Variants in HCRTR2 observed in about 807,000 individuals in gnomAD.
HCRTR2 encodes the protein orexin receptor type 2.
A neutral mutation model predicts 49.0 loss-of-function variants in HCRTR2; 22 were observed. The observed-to-expected ratio is 0.45, with a 90% CI of 0.32 to 0.64. The LOEUF is 0.64. HCRTR2 is among the 30% of genes least tolerant of loss of function. HCRTR2 has a pLI of 0.04. For missense variants in HCRTR2, 491 were observed against 559.4 expected (o/e 0.88, Z 1.23); for synonymous variants, 236 against 205.3 (o/e 1.15, Z -1.28).
chr6:55,182,883 T>C (rs1218093297), intron 1 of HCRTR2, among the ~76,000 whole-genome samples: 1 of 152,226 alleles, frequency 6.6e-6, no homozygotes, highest in African/African-American at 2.4e-5. Context: ...GAGATGGTGA[T>C]GTCTCTGTCA....
intron 1 of HCRTR2, among the ~76,000 whole-genome samples, chr6:55,220,468 C>T (rs1330616374): frequency 1.3e-5 from 2 of 152,126 alleles, no homozygotes; most frequent in African/African-American, 4.8e-5. Context: ...ATGATAATCT[C>T]TATAAATGCT....
At chr6:55,125,364 A>G (rs1245384294) in intron 1 of HCRTR2, among the ~76,000 whole-genome samples, 2 of 152,126 alleles carry the variant, frequency 1.3e-5, no homozygotes, top group African/African-American at 4.8e-5. Context: ...TTTCTCCTTC[A>G]CTATTGAAGC....
At chr6:55,242,344 G>A (rs546831062) in intron 1 of HCRTR2, among the ~76,000 whole-genome samples, 1 of 151,540 alleles carries the variant, frequency 6.6e-6, no homozygotes, top group South Asian at 2.1e-4. Context: ...CTTCACTCAT[G>A]GAACAATAAT....
chr6:55,219,142 G>A (rs1198782169), intron 1 of HCRTR2, among the ~76,000 whole-genome samples: 5 of 152,114 alleles, frequency 3.3e-5, no homozygotes, highest in Non-Finnish European at 7.4e-5. Flanking sequence ...AAAATTGATA[G>A]AACATCCAGA....
chr6:55,224,626 TAA>T (rs112507038), intron 1 of HCRTR2, among the ~76,000 whole-genome samples: 14 of 142,318 alleles, frequency 9.8e-5, no homozygotes, highest in East Asian at 2.0e-4. Flanking sequence ...CCGTCTCAGT[TAA>T]AAAAAAAAAA....
intron 4 of HCRTR2, among the ~76,000 whole-genome samples, chr6:55,269,540 A>G (rs1296478397): frequency 4.6e-5 from 7 of 152,220 alleles, no homozygotes; most frequent in Admixed American, 3.3e-4. Flanking sequence ...TAATATATAT[A>G]CAAAAATCAA....
chr6:55,197,060 T>C (rs1765428993), intron 1 of HCRTR2, among the ~76,000 whole-genome samples: 1 of 152,142 alleles, frequency 6.6e-6, no homozygotes, highest in South Asian at 2.1e-4. Flanking sequence ...CTAATTCTGA[T>C]TTTACTCCCA....
At chr6:55,168,584 G>T (rs1464775132) in intron 1 of HCRTR2, among the ~76,000 whole-genome samples, 1 of 151,846 alleles carries the variant, frequency 6.6e-6, no homozygotes, top group Non-Finnish European at 1.5e-5. Context: ...TGCTTTTTTT[G>T]AGACAGTGTC....
At chr6:55,238,751 G>A (rs189470086) in intron 1 of HCRTR2, among the ~76,000 whole-genome samples, 2 of 151,712 alleles carry the variant, frequency 1.3e-5, no homozygotes, top group Non-Finnish European at 2.9e-5. Flanking sequence ...GAGACATAAA[G>A]TTGTGAGAGT....
intron 1 of HCRTR2, among the ~76,000 whole-genome samples, chr6:55,233,873 C>T (rs911809661): frequency 3.5e-4 from 54 of 152,136 alleles, no homozygotes; most frequent in Admixed American, 1.3e-4. Context: ...ATTTGGAAAT[C>T]CATGTATGTT....
intron 1 of HCRTR2, among the ~76,000 whole-genome samples, chr6:55,145,087 G>C (rs1454623525): frequency 6.6e-6 from 1 of 151,946 alleles, no homozygotes; most frequent in Non-Finnish European, 1.5e-5. Flanking sequence ...TAGTTACAAA[G>C]TACGTAGATT....
At chr6:55,241,866 T>A (rs1167525501) in intron 1 of HCRTR2, among the ~76,000 whole-genome samples, 1 of 128,710 alleles carries the variant, frequency 7.8e-6, no homozygotes, top group South Asian at 2.4e-4. Context: ...AACTAATTTT[T>A]TTTTTTTTTT....
At chr6:55,140,925 G>T (rs1220990420) in intron 1 of HCRTR2, among the ~76,000 whole-genome samples, 1 of 152,178 alleles carries the variant, frequency 6.6e-6, no homozygotes, top group East Asian at 1.9e-4. Flanking sequence ...TTCGGAAGCT[G>T]GTTGTGCCTG....
intron 1 of HCRTR2, among the ~76,000 whole-genome samples, chr6:55,242,691 C>T (rs1339020149): frequency 6.6e-6 from 1 of 152,132 alleles, no homozygotes; most frequent in African/African-American, 2.4e-5. Flanking sequence ...CTTACATATG[C>T]AGTTTACATG....
intron 1 of HCRTR2, among the ~76,000 whole-genome samples, chr6:55,116,700 C>T (rs1215510257): frequency 2.6e-5 from 2 of 75,968 alleles, no homozygotes; most frequent in East Asian, 7.6e-4. Context: ...CTGAACAGTA[C>T]TGTAAAGAGA....
chr6:55,279,211 T>TA (rs1767140145), intron 5 of HCRTR2, among the ~76,000 whole-genome samples: 1 of 152,084 alleles, frequency 6.6e-6, no homozygotes, highest in Non-Finnish European at 1.5e-5. Context: ...TTCAAATGCT[T>TA]ATATTTATTT....
Position 55,282,237 on chromosome 6 carries a change from A to G in HCRTR2, c.1118A>G (p.Glu373Gly). Residue 373 changes from glutamate (E) to glycine (G), a missense_variant, in exon 7 of 7, where the codon GAG becomes GGG. Transcript: ENST00000370862. ...CTCTGTTTGCCAGGAAAATTTCGAG[A>G]GGAATTTAAAGCTGCGTTTTCTTGC... ...IYNFLSGKFREEFKAAFSCCC... is the reference protein window; with the variant it reads ...IYNFLSGKFRGEFKAAFSCCC... The G allele has an allele frequency of 6.2e-7, 1 of 1,613,222 alleles. No homozygotes were observed. The highest frequency in any genetic ancestry group is 8.5e-7 in the Non-Finnish European group (1 of 1,179,454).
At chr6:55,215,394 A>G (rs1158684403) in intron 1 of HCRTR2, among the ~76,000 whole-genome samples, 1 of 152,240 alleles carries the variant, frequency 6.6e-6, no homozygotes, top group Non-Finnish European at 1.5e-5. Flanking sequence ...AAGGGAATCC[A>G]TCACAATTAA....
At chr6:55,170,576 T>C (rs1764934223), upstream of HCRTR2, among the ~76,000 whole-genome samples, 1 of 150,406 alleles carries the variant, frequency 6.6e-6, no homozygotes, top group Non-Finnish European at 1.5e-5. Flanking sequence ...TGTTTACTTA[T>C]TTATTTATTT....
Sources: gnomAD v4.1 joint callset for allele counts (sites outside exome capture counted in the v4.1 genomes callset) on GRCh38, gnomAD v4.1.1 for gene constraint, MANE v1.5 for transcripts, NCBI Gene and HGNC (gene_info 2026-07-23, HGNC 2026-07-21) for gene names.